The following MYO5A variants were observed in gnomAD, a reference collection of about 807,000 sequenced individuals.
MYO5A encodes the protein unconventional myosin-Va.
MYO5A carries 98 observed loss-of-function variants against 249.7 expected under a neutral mutation model. The ratio of observed to expected loss-of-function variants is 0.39; its 90% CI spans 0.33 to 0.46. The LOEUF is 0.46. Among genes scored for constraint, MYO5A ranks in the 20% least tolerant of loss-of-function variants. MYO5A has a pLI of 0.98. For synonymous variants in MYO5A, 778 were observed against 810.6 expected (o/e 0.96, Z 0.68); for missense variants, 1,696 against 2,308.8 (o/e 0.73, Z 5.44).
chr15:52,430,160 C>T lies in MYO5A; in HGVS notation c.139-1591G>A, dbSNP rs2075494908. Among the ~76,000 whole-genome samples the T allele has an allele frequency of 2.0e-5, 3 of 152,214 alleles. No homozygotes were observed. The South Asian group carries it at 6.2e-4, about 32-fold the overall frequency. On this transcript the variant is annotated intron_variant, in intron 2 of 41. Coordinates refer to ENST00000399233, the MANE Select transcript of MYO5A (RefSeq NM_001382347.1). Reference sequence around the variant, plus strand: ...GAAAAATTAACAATTTACCACTCAGCATTTCTTGCTGCCTGTTTATCAGAG... The same window carrying T: ...GAAAAATTAACAATTTACCACTCAGTATTTCTTGCTGCCTGTTTATCAGAG...
At chr15:52,414,995 C>T (rs570973756) in intron 5 of MYO5A, among the ~76,000 whole-genome samples, 522 of 152,280 alleles carry the variant, frequency 3.4e-3, no homozygotes, top group Non-Finnish European at 6.0e-3. Flanking sequence ...CCCATCATAT[C>T]TTGTTTTTCA....
chr15:52,423,587 A>C (rs1362264815), intron 4 of MYO5A, among the ~76,000 whole-genome samples: 1 of 151,928 alleles, frequency 6.6e-6, no homozygotes, highest in Non-Finnish European at 1.5e-5. Context: ...GCAAGAAATG[A>C]TCCTGCAGCA....
intron 1 of MYO5A, among the ~76,000 whole-genome samples, chr15:52,445,982 AG>A (rs780247195): frequency 2.4e-4 from 37 of 152,284 alleles, no homozygotes; most frequent in Non-Finnish European, 2.9e-4. Context: ...GAAAATTTGC[AG>A]GCTGGCCATG....
At chr15:52,417,934 C>T (rs1245752306) in intron 4 of MYO5A, among the ~76,000 whole-genome samples, 1 of 152,154 alleles carries the variant, frequency 6.6e-6, no homozygotes, top group Non-Finnish European at 1.5e-5. Context: ...ATAGGAAAGA[C>T]AGGCCAATAA....
At position 52,354,040 on chromosome 15, in the gene MYO5A, G is replaced by A. The variant is rs761785963; in HGVS notation, c.3424-26C>T. ...CTAAACCCCAGGAATCACAAAGATG[G>A]TCAAGACAAGCCAGAAGACATAAAA... On this transcript the variant is annotated intron_variant, in intron 25 of 41. Coordinates refer to ENST00000399233, the MANE Select transcript of MYO5A (RefSeq NM_001382347.1). 3.1e-6 allele frequency: 5 copies of A among 1,613,852 alleles called. No homozygotes were observed. In the South Asian group the frequency reaches 5.5e-5, roughly 18 times the overall value.
At chr15:52,452,915 G>A (rs2076049273) in intron 1 of MYO5A, among the ~76,000 whole-genome samples, 2 of 151,470 alleles carry the variant, frequency 1.3e-5, no homozygotes, top group South Asian at 4.2e-4. Context: ...CTGCCAAGGA[G>A]ATATTGAAAA....
Position 52,429,449 on chromosome 15 carries a change from G to A in MYO5A, c.139-880C>T, listed in dbSNP as rs368739601. Among the ~76,000 whole-genome samples the A allele has an allele frequency of 3.9e-5, 6 of 152,288 alleles. No individual in the cohort carries two copies. In the East Asian group the frequency reaches 7.7e-4, roughly 20 times the overall value. On this transcript the variant is annotated intron_variant, in intron 2 of 41. Coordinates refer to ENST00000399233, the MANE Select transcript of MYO5A (RefSeq NM_001382347.1). ...CATGCCTGTAATCCCAACACTTTGG[G>A]AGGCCGAGGTGGGTGGATCACCTGA...
intron 16 of MYO5A, among the ~76,000 whole-genome samples, chr15:52,381,430 G>T (rs1235885232): frequency 1.3e-5 from 2 of 152,076 alleles, no homozygotes; most frequent in African/African-American, 4.8e-5. Flanking sequence ...TGTGGAGGGG[G>T]TGAGGGGTGG....
chr15:52,473,186 G>A (rs1041318975), intron 1 of MYO5A, among the ~76,000 whole-genome samples: 10 of 152,170 alleles, frequency 6.6e-5, no homozygotes, highest in African/African-American at 2.2e-4. Context: ...CTGCATAAAT[G>A]TCTTCTTTTT....
At chr15:52,327,528 T>C (rs2038667276) in intron 36 of MYO5A, among the ~76,000 whole-genome samples, 1 of 152,108 alleles carries the variant, frequency 6.6e-6, no homozygotes, top group Admixed American at 6.5e-5. Context: ...GGCAACATAG[T>C]GAGACCCTGT....
intron 1 of MYO5A, among the ~76,000 whole-genome samples, chr15:52,463,157 G>A (rs1211990922): frequency 1.3e-5 from 2 of 152,094 alleles, no homozygotes; most frequent in South Asian, 2.1e-4. Flanking sequence ...ACGCTGAGAG[G>A]GTATTTTGAG....
At position 52,327,977 on chromosome 15, in the gene MYO5A, A is replaced by T. The variant is rs781359784; in HGVS notation, c.4585T>A (p.Leu1529Met). ...ELKPRGVAVN[L>M]IPGLPAYILF... ...ATATATGCCGGTAATCCTGGAATCA[A>T]ATTGACTGCTACACCACGTGGCTTC... The change falls in exon 36 of 42, where the codon TTG becomes ATG. Residue 1529 changes from leucine to methionine, a missense_variant. By Grantham distance (15) the Leu-to-Met change is conservative. This residue lies in a region of MYO5A where 625 missense variants were observed against 908.1 expected (regional missense o/e 0.69). Coordinates refer to ENST00000399233, the MANE Select transcript of MYO5A (RefSeq NM_001382347.1). 3 of 1,613,858 alleles carry T rather than the reference A, an allele frequency of 1.9e-6. No individual in the cohort carries two copies.
chr15:52,325,629 T>C (rs1432147917), intron 36 of MYO5A, among the ~76,000 whole-genome samples: 2 of 152,002 alleles, frequency 1.3e-5, no homozygotes, highest in African/African-American at 2.4e-5. Flanking sequence ...CTCAAACTCC[T>C]GGGCTCAAGC....
At chr15:52,358,244 C>G (rs918833569) in intron 25 of MYO5A, among the ~76,000 whole-genome samples, 1 of 152,202 alleles carries the variant, frequency 6.6e-6, no homozygotes, top group Non-Finnish European at 1.5e-5. Flanking sequence ...TGGCTTCCCC[C>G]TACCAGCAGA....
Position 52,379,673 on chromosome 15 carries a change from C to T in MYO5A, c.2160G>A (p.Leu720=), listed in dbSNP as rs2041629931. The T allele has an allele frequency of 1.2e-6, 2 of 1,614,204 alleles. No homozygotes were observed. The highest frequency in any genetic ancestry group is 4.5e-5 in the East Asian group (2 of 44,892). ...YRVLMKQKDV[L]SDRKQTCKNV... Reference sequence around the variant, plus strand: ...TCTTGCATGTTTGCTTTCTGTCACTCAGCACATCTTTCTGCTTCATTAGGA... The same window carrying T: ...TCTTGCATGTTTGCTTTCTGTCACTTAGCACATCTTTCTGCTTCATTAGGA... The change falls in exon 18 of 42, where the codon CTG becomes CTA. Residue 720 remains leucine (L), a synonymous_variant. Transcript: ENST00000399233.
At chr15:52,450,845 T>G (rs1045876591) in intron 1 of MYO5A, among the ~76,000 whole-genome samples, 1 of 95,026 alleles carries the variant, frequency 1.1e-5, no homozygotes, top group Non-Finnish European at 2.2e-5. Context: ...CTACTGTGGT[T>G]TTTTTTTTTT....
chr15:52,341,253 C>T (rs1462371160), intron 31 of MYO5A, among the ~76,000 whole-genome samples: 2 of 152,214 alleles, frequency 1.3e-5, no homozygotes, highest in Non-Finnish European at 2.9e-5. Flanking sequence ...TACAGATTTA[C>T]CCGAATCCAC....
intron 38 of MYO5A, among the ~76,000 whole-genome samples, 154 bp from the exon 39 acceptor site, chr15:52,319,496 C>A (rs538245738): frequency 6.6e-6 from 1 of 152,086 alleles, no homozygotes. Flanking sequence ...GGGAGGCCGC[C>A]GAGGTGGGTG....
intron 3 of MYO5A, among the ~76,000 whole-genome samples, chr15:52,426,177 C>T (rs368885407): frequency 1.3e-5 from 2 of 152,154 alleles, no homozygotes; most frequent in South Asian, 2.1e-4. Context: ...CCTAAAACAC[C>T]ATTTAAAAAC....
Sources: gnomAD v4.1 joint callset for allele counts (sites outside exome capture counted in the v4.1 genomes callset) on GRCh38, gnomAD v4.1.1 for gene constraint, gnomAD v4.1.1 regional missense constraint, MANE v1.5 for transcripts, NCBI Gene and HGNC (gene_info 2026-07-23, HGNC 2026-07-21) for gene names.